Variants in PCDHA10 observed in about 807,000 individuals in gnomAD.
PCDHA10 encodes the protein protocadherin alpha-10.
Under a neutral mutation model 61.2 loss-of-function variants are expected in PCDHA10, and 45 were observed. The observed-to-expected ratio is 0.74, with a 90% CI of 0.58 to 0.94. PCDHA10 has a LOEUF of 0.94. Among genes scored for constraint, PCDHA10 ranks in the 40% least tolerant of loss-of-function variants. The probability of loss-of-function intolerance (pLI) is 0.00; values close to 1 mark genes in which losing one functional copy is unlikely to be tolerated. For missense variants in PCDHA10, 1,278 were observed against 1,236.2 expected (o/e 1.03, Z -0.51); for synonymous variants, 602 against 548.8 (o/e 1.10, Z -1.35).
chr5:140,978,217 A>G (rs1554239114), intron 1 of PCDHA10, among the ~76,000 whole-genome samples: 2 of 152,222 alleles, frequency 1.3e-5, no homozygotes, highest in East Asian at 1.9e-4. Flanking sequence ...TGCAAAATGT[A>G]TCAGGTTTTT....
intron 1 of PCDHA10, among the ~76,000 whole-genome samples, chr5:140,911,992 A>T (rs904624481): frequency 6.6e-6 from 1 of 152,342 alleles, no homozygotes; most frequent in East Asian, 1.9e-4. Flanking sequence ...ACAAGGTCCC[A>T]CAATAGGCCA....
intron 1 of PCDHA10, among the ~76,000 whole-genome samples, chr5:140,935,679 T>C (rs2090497566): frequency 6.6e-6 from 1 of 152,190 alleles, no homozygotes; most frequent in South Asian, 2.1e-4. Context: ...GTGAAATATT[T>C]ACATGGCTCC....
rs2043732184 is a variant in PCDHA10, at chr5:140,856,019, C to T, written c.-30C>T. ...GTATGTGCGTTCTAGACCGCTGATT[C>T]GTCGATTTGTAAAACAAGAGAAGGA... On this transcript the variant is annotated 5_prime_UTR_variant, in exon 1 of 4. Coordinates refer to ENST00000307360, the MANE Select transcript of PCDHA10 (RefSeq NM_018901.4). 1 of 1,551,820 alleles carries T rather than the reference C, an allele frequency of 6.4e-7. No individual in the cohort carries two copies. The highest frequency in any genetic ancestry group is 2.3e-5 in the East Asian group (1 of 44,404).
intron 1 of PCDHA10, among the ~76,000 whole-genome samples, chr5:140,887,318 G>A (rs1485206878): frequency 6.6e-6 from 1 of 152,010 alleles, no homozygotes; most frequent in Non-Finnish European, 1.5e-5. Context: ...GGATAGTCTC[G>A]AACTCCTGAC....
At chr5:140,917,015 G>A (rs538557329) in intron 1 of PCDHA10, among the ~76,000 whole-genome samples, 1 of 152,240 alleles carries the variant, frequency 6.6e-6, no homozygotes, top group East Asian at 1.9e-4. Flanking sequence ...CTCCCTTCAT[G>A]TGCAGCTGCT....
At chr5:140,862,877 G>T in intron 1 of PCDHA10, 1 of 567,556 alleles carries the variant, frequency 1.8e-6, no homozygotes. Flanking sequence ...CCAGGTATTA[G>T]TGCTGGAACG....
Position 140,857,750 on chromosome 5 carries a change from C to T in PCDHA10, c.1702C>T (p.Pro568Ser), listed in dbSNP as rs781977975. The change falls in exon 1 of 4, where the codon CCC becomes TCC. Residue 568 changes from proline (P) to serine (S), a missense_variant. Pro to Ser is a moderately conservative substitution (Grantham distance 74). Transcript: ENST00000307360. ...CAACGCTCCCGCGCTGCTGGCGTCT[C>T]CCGCTGGCAGCGCGGGCGGTGCAGT... ...NDNAPALLASPAGSAGGAVSE... is the reference protein window; with the variant it reads ...NDNAPALLASSAGSAGGAVSE... 6.3e-7 allele frequency: 1 copy of T among 1,597,430 alleles called. No individual in the cohort carries two copies. The highest frequency in any genetic ancestry group is 8.6e-7 in the Non-Finnish European group (1 of 1,167,606).
intron 1 of PCDHA10, chr5:140,966,696 G>A (rs2096039255): frequency 7.4e-7 from 1 of 1,358,662 alleles, no homozygotes. Flanking sequence ...GGCGGGGCCC[G>A]GGCGTGGGGC....
At chr5:140,930,245 C>T (rs1355884137) in intron 1 of PCDHA10, 2 of 152,164 alleles carry the variant, frequency 1.3e-5, no homozygotes, top group African/African-American at 4.8e-5. Flanking sequence ...AAAGTCCATT[C>T]AACTTGGATT....
At chr5:140,931,602 T>C (rs1192023680) in intron 1 of PCDHA10, among the ~76,000 whole-genome samples, 12 of 152,084 alleles carry the variant, frequency 7.9e-5, no homozygotes, top group Non-Finnish European at 1.2e-4. Flanking sequence ...TTTTCCATCA[T>C]TGTTGATATT....
chr5:140,973,209 C>T (rs1273068326), intron 1 of PCDHA10, among the ~76,000 whole-genome samples: 4 of 152,100 alleles, frequency 2.6e-5, no homozygotes, highest in Non-Finnish European at 4.4e-5. Flanking sequence ...GCATATTCAC[C>T]CTAATTCCAG....
intron 2 of PCDHA10, 96 bp from the exon 3 acceptor site, chr5:140,982,379 C>T (rs959359344): frequency 1.4e-5 from 22 of 1,575,004 alleles, no homozygotes; most frequent in South Asian, 3.5e-5. Context: ...TAGCTGCAGC[C>T]CTGGCTTCAT....
At chr5:140,948,106 T>A (rs1383733772) in intron 1 of PCDHA10, among the ~76,000 whole-genome samples, 1 of 151,652 alleles carries the variant, frequency 6.6e-6, no homozygotes, top group Non-Finnish European at 1.5e-5. Context: ...TGATTTTTCT[T>A]CGTTTTACTA....
intron 1 of PCDHA10, chr5:140,926,893 A>G: frequency 1.3e-6 from 2 of 1,547,320 alleles, no homozygotes; most frequent in Non-Finnish European, 1.7e-6. Context: ...TAGAGGGAGG[A>G]TGGTGGGCTG....
At chr5:140,972,514 A>G (rs2096539827) in intron 1 of PCDHA10, among the ~76,000 whole-genome samples, 1 of 152,260 alleles carries the variant, frequency 6.6e-6, no homozygotes, top group Admixed American at 6.5e-5. Context: ...TTTTACCCCC[A>G]GTGAGCTTAT....
At chr5:141,001,822 TGACAGAGAGGGA>T (rs541215764) in intron 3 of PCDHA10, among the ~76,000 whole-genome samples, 203 of 152,310 alleles carry the variant, frequency 1.3e-3, no homozygotes, top group African/African-American at 4.5e-3. Context: ...GGCCAAATTC[TGACAGAGAGGGA>T]GACAGAGAGA....
At chr5:140,905,855 A>G (rs1297642648) in intron 1 of PCDHA10, among the ~76,000 whole-genome samples, 1 of 152,128 alleles carries the variant, frequency 6.6e-6, no homozygotes, top group East Asian at 1.9e-4. Context: ...AGGAGTATTA[A>G]CTCACACAAT....
chr5:140,879,955 A>G (rs1554171094), intron 1 of PCDHA10, among the ~76,000 whole-genome samples: 1 of 152,206 alleles, frequency 6.6e-6, no homozygotes, highest in Non-Finnish European at 1.5e-5. Context: ...GCCCATCTGG[A>G]TAATCCAGGA....
At chr5:140,870,830 T>C in intron 1 of PCDHA10, 1 of 1,613,762 alleles carries the variant, frequency 6.2e-7, no homozygotes. Context: ...GGAGGCGCAG[T>C]TAACAAGCTA....
Sources: gnomAD v4.1 joint callset for allele counts (sites outside exome capture counted in the v4.1 genomes callset) on GRCh38, gnomAD v4.1.1 for gene constraint, MANE v1.5 for transcripts, NCBI Gene and HGNC (gene_info 2026-07-23, HGNC 2026-07-21) for gene names.